Variants in GRAMD4 observed in about 807,000 individuals in gnomAD.
The protein encoded by GRAMD4 is GRAM domain-containing protein 4.
GRAMD4 carries 25 observed loss-of-function variants against 83.9 expected under a neutral mutation model. That is an observed-to-expected ratio of 0.30 (90% CI 0.22 to 0.42). The LOEUF is 0.42. Ranked by LOEUF, GRAMD4 falls within the 10% of genes least tolerant of loss-of-function variation. GRAMD4 has a pLI of 1.00. For missense variants in GRAMD4, 593 were observed against 788.7 expected, an observed-to-expected ratio of 0.75 and a Z score of 2.97; for synonymous variants, 336 against 320.9, an observed-to-expected ratio of 1.05 and a Z score of -0.50.
At chr22:46,633,614 G>A (rs1001911066) in intron 2 of GRAMD4, among the ~76,000 whole-genome samples, 8 of 152,226 alleles carry the variant, frequency 5.3e-5, no homozygotes, top group African/African-American at 1.9e-4. Context: ...TGCTGCCAAC[G>A]GGAGTCCCCA....
chr22:46,638,911 T>TGCCAGAAG (rs2081931164), intron 3 of GRAMD4, among the ~76,000 whole-genome samples: 1 of 152,336 alleles, frequency 6.6e-6, no homozygotes. Flanking sequence ...CCAGTGCCTT[T>TGCCAGAAG]GCCAGAAGGA....
rs113269726 is a variant in GRAMD4, at chr22:46,620,561, C to G, written c.-54C>G. ...TGTTTCTGGATGTATCTGAGACAGA[C>G]GGAGGTAGGGGGCAGGGGGCAGGGG... On this transcript the variant is annotated 5_prime_UTR_variant, in exon 1 of 19. Coordinates refer to ENST00000406902, the MANE Select transcript of GRAMD4 (RefSeq NM_015124.5). This position sits in a 1 kb window ranked among gnomAD's most constrained non-coding sequence, Gnocchi z 4.7. The G allele has an allele frequency of 1.1e-5, 1 of 89,156 alleles. No homozygotes were observed. The highest frequency in any genetic ancestry group is 1.4e-5 in the Non-Finnish European group (1 of 71,674). The allele number at this position is 89,156 out of a possible 1,614,324, so 5.5% of individuals were successfully genotyped here. A position where few individuals can be genotyped will look rare whatever the true frequency, so the allele number is the denominator to read the frequency against.
At chr22:46,643,900 G>A (rs1462098459) in intron 3 of GRAMD4, among the ~76,000 whole-genome samples, 5 of 152,064 alleles carry the variant, frequency 3.3e-5, no homozygotes, top group Non-Finnish European at 7.4e-5. Flanking sequence ...ATCTAAAATC[G>A]TTTCCATGGT....
At chr22:46,637,811 C>T in intron 2 of GRAMD4, 29 bp from the exon 3 acceptor site, 5 of 1,612,764 alleles carry the variant, frequency 3.1e-6, no homozygotes, top group Non-Finnish European at 4.2e-6. Context: ...ACAGGTGGCC[C>T]CTTTGAGCTT....
At chr22:46,636,400 G>A (rs1349522992) in intron 2 of GRAMD4, among the ~76,000 whole-genome samples, 4 of 152,200 alleles carry the variant, frequency 2.6e-5, no homozygotes, top group Admixed American at 6.5e-5. Flanking sequence ...GGGAACTCTT[G>A]CCCCAGCAGC....
rs545814703 is a variant in GRAMD4 at position 46,620,982 on chromosome 22, G to A, written c.-50+417G>A. Among the ~76,000 whole-genome samples the A allele has an allele frequency of 6.6e-5, 10 of 152,200 alleles. No individual in the cohort carries two copies. Among genetic ancestry groups the A allele is most frequent in the Admixed American group, 2.0e-4 (3 of 15,292 alleles). ...CTCGGAGTTGCAGGGGCCCTGGGCT[G>A]CCAGGGGTGGGCCTGTAGGTGCAGG... On this transcript the variant is annotated intron_variant, in intron 1 of 18. Coordinates refer to ENST00000406902, the MANE Select transcript of GRAMD4 (RefSeq NM_015124.5). This position sits in a 1 kb window ranked among gnomAD's most constrained non-coding sequence, Gnocchi z 4.7.
chr22:46,665,714 A>C lies in GRAMD4; in HGVS notation c.809+8A>C. 1 of 1,494,282 alleles carries C rather than the reference A, an allele frequency of 6.7e-7. No individual in the cohort carries two copies. Among genetic ancestry groups the C allele is most frequent in the Non-Finnish European group, 9.3e-7 (1 of 1,071,410 alleles). 92.6% of individuals were successfully genotyped at this position (1,494,282 alleles called of 1,614,324 possible). A position where few individuals can be genotyped will look rare whatever the true frequency, so the allele number is the denominator to read the frequency against. On this transcript the variant is annotated splice_region_variant and intron_variant, in intron 9 of 18. Coordinates refer to ENST00000406902, the MANE Select transcript of GRAMD4 (RefSeq NM_015124.5). ...CAATTACCTCATCGCCAGGTAGGTG[A>C]GCCGGTTTGTTGCAGCTGCTTTATC...
At chr22:46,664,602 G>A (rs565270192) in intron 8 of GRAMD4, among the ~76,000 whole-genome samples, 4 of 152,340 alleles carry the variant, frequency 2.6e-5, no homozygotes, top group East Asian at 3.9e-4. Flanking sequence ...GTGCCCAGCC[G>A]TCCTGCCTGG....
intron 3 of GRAMD4, among the ~76,000 whole-genome samples, chr22:46,648,955 G>GATGC (rs1569288738): frequency 1.3e-5 from 2 of 149,976 alleles, no homozygotes; most frequent in African/African-American, 5.0e-5. Context: ...TGGATGGATG[G>GATGC]ATGGATGGAT....
At chr22:46,577,022 G>C (rs1448498120), upstream of GRAMD4, 1 of 146,088 alleles carries the variant, frequency 6.8e-6, no homozygotes, top group Non-Finnish European at 1.5e-5. Flanking sequence ...TGGCGCGCGG[G>C]GCGCGGCCCC....
At position 46,622,301 on chromosome 22, in the gene GRAMD4, C is replaced by T. The variant is rs2081586970; in HGVS notation, c.-50+1736C>T. Among the ~76,000 whole-genome samples, 1 of 152,206 alleles carries T rather than the reference C, an allele frequency of 6.6e-6. No homozygotes were observed. Among genetic ancestry groups the T allele is most frequent in the African/African-American group, 2.4e-5 (1 of 41,458 alleles). On this transcript the variant is annotated intron_variant, in intron 1 of 18. Transcript: ENST00000406902. This position sits in a 1 kb window ranked among gnomAD's most constrained non-coding sequence, Gnocchi z 4.0. ...CCTGCTTTCCTTGGGTGGAGGCCAGCTCGGTGCCCTACACAGGGCCTGCAG... is the reference window on the plus strand; with the variant it reads ...CCTGCTTTCCTTGGGTGGAGGCCAGTTCGGTGCCCTACACAGGGCCTGCAG...
At position 46,631,947 on chromosome 22, in the gene GRAMD4, G is replaced by A. The variant is rs542701804; in HGVS notation, c.162+4986G>A. On this transcript the variant is annotated intron_variant, in intron 2 of 18. Transcript: ENST00000406902. ...CTTTCGTCTCCTGGGGACCGGGGAT[G>A]GGTAGAACCTCACGGCCTGTGTCCT... is the stretch of plus-strand genomic sequence containing the variant. Among the ~76,000 whole-genome samples the A allele has an allele frequency of 4.1e-5, 6 of 146,928 alleles. No individual in the cohort carries two copies. The South Asian group carries it at 1.3e-3, about 33-fold the overall frequency.
chr22:46,603,137 T>C (rs564349943), intron 1 of GRAMD4, among the ~76,000 whole-genome samples: 19 of 152,080 alleles, frequency 1.2e-4, no homozygotes, highest in Non-Finnish European at 1.8e-4. Flanking sequence ...ATCATTTATC[T>C]CTGACTGCTT....
At chr22:46,618,142 C>CA (rs147444006), upstream of GRAMD4, among the ~76,000 whole-genome samples, 4,820 of 152,196 alleles carry the variant, frequency 0.032, 239 homozygotes, top group African/African-American at 0.11. This position sits in a 1 kb window ranked among gnomAD's most constrained non-coding sequence, Gnocchi z 5.8. Context: ...ACTCTCTGAA[C>CA]AAGTGTTTGT....
At chr22:46,627,033 G>A (rs1432976157) in intron 2 of GRAMD4, 72 bp downstream of exon 2, 7 of 1,083,618 alleles carry the variant, frequency 6.5e-6, no homozygotes, top group African/African-American at 3.1e-5. Context: ...GGCCAAGCGT[G>A]GACTCAGGCA....
At chr22:46,676,457 C>T in intron 17 of GRAMD4, 143 bp from the exon 18 acceptor site, 1 of 671,960 alleles carries the variant, frequency 1.5e-6, no homozygotes, top group Admixed American at 2.4e-5. Flanking sequence ...CAGGCCCTTA[C>T]CTTCTGTTGT....
At chr22:46,650,414 G>C (rs376428486) in intron 3 of GRAMD4, among the ~76,000 whole-genome samples, 14 of 151,194 alleles carry the variant, frequency 9.3e-5, no homozygotes, top group African/African-American at 3.2e-4. Flanking sequence ...GCTGAGCATT[G>C]AGGCTGGGTG....
chr22:46,681,772 T>C (rs1242519553), downstream of GRAMD4, among the ~76,000 whole-genome samples: 3 of 152,222 alleles, frequency 2.0e-5, no homozygotes, highest in African/African-American at 7.2e-5. Flanking sequence ...AAATATTTAC[T>C]GGATGAATGT....
Position 46,678,095 on chromosome 22 carries a change from C to A in GRAMD4, c.*844C>A. 15 of 985,584 alleles carry A rather than the reference C, an allele frequency of 1.5e-5. No individual in the cohort carries two copies. The highest frequency in any genetic ancestry group is 1.8e-5 in the Non-Finnish European group (15 of 830,032). 61.1% of individuals were successfully genotyped at this position (985,584 alleles called of 1,614,324 possible). A position where few individuals can be genotyped will look rare whatever the true frequency, so the allele number is the denominator to read the frequency against. On this transcript the variant is annotated 3_prime_UTR_variant, in exon 19 of 19. Coordinates refer to ENST00000406902, the MANE Select transcript of GRAMD4 (RefSeq NM_015124.5). ...CTCACACTTTGCTCTTTGGAAGGCC[C>A]AGGAGAACATCCGCGAAGGCTGTTG...
Sources: allele counts gnomAD v4.1 joint callset (sites outside exome capture counted in the v4.1 genomes callset), GRCh38; gene constraint gnomAD v4.1.1; non-coding constraint Gnocchi (gnomAD v3.1); transcripts MANE v1.5; gene names NCBI Gene and HGNC (gene_info 2026-07-23, HGNC 2026-07-21).